The following CACNA1H variants were observed in gnomAD, a reference collection of about 807,000 sequenced individuals.
CACNA1H encodes the protein calcium voltage-gated channel subunit alpha1 H, also known as voltage-dependent T-type calcium channel subunit alpha-1H.
CACNA1H carries 149 observed loss-of-function variants against 192.5 expected under a neutral mutation model. The observed-to-expected ratio is 0.77, with a 90% CI of 0.68 to 0.89. CACNA1H has a LOEUF of 0.89. Among genes scored for constraint, CACNA1H ranks in the 40% least tolerant of loss-of-function variants. CACNA1H has a pLI of 0.00. For synonymous variants in CACNA1H, 2,202 were observed against 1,475.2 expected (o/e 1.49, Z -11.29); for missense variants, 4,257 against 3,423.5 (o/e 1.24, Z -6.08).
At chr16:1,170,316 C>T (rs570180006) in intron 2 of CACNA1H, among the ~76,000 whole-genome samples, 63 of 152,318 alleles carry the variant, frequency 4.1e-4, no homozygotes, top group African/African-American at 1.3e-3. Flanking sequence ...GAGCTGAGGT[C>T]GCACCATGGC....
chr16:1,206,011 T>C, intron 11 of CACNA1H, 93 bp from the exon 12 acceptor site: 1 of 1,245,422 alleles, frequency 8.0e-7, no homozygotes, highest in Non-Finnish European at 1.1e-6. Context: ...CAGGCCGCTG[T>C]GGCTCCCTGG....
At chr16:1,170,465 C>T (rs1444782464) in intron 2 of CACNA1H, among the ~76,000 whole-genome samples, 1 of 152,094 alleles carries the variant, frequency 6.6e-6, no homozygotes, top group Non-Finnish European at 1.5e-5. Context: ...GGGAGGGGAG[C>T]GGGTGGACGG....
intron 26 of CACNA1H, among the ~76,000 whole-genome samples, chr16:1,212,886 C>T (rs1046833089): frequency 1.3e-5 from 2 of 152,246 alleles, no homozygotes; most frequent in Admixed American, 1.3e-4. Context: ...CTGAGTGCTT[C>T]AGTGACTGCA....
rs1969510769 is a variant in CACNA1H at position 1,212,058 on chromosome 16, A to G, written c.4679A>G (p.Lys1560Arg). The change falls in exon 25 of 35, where the codon AAG (lysine) becomes AGG (arginine). Residue 1560 changes from lysine (K) to arginine (R), a missense_variant. Lys to Arg is a conservative substitution (Grantham distance 26, BLOSUM62 2). Coordinates refer to ENST00000348261, the MANE Select transcript of CACNA1H (RefSeq NM_021098.3). ...FVGVVVENFH[K>R]CRQHQEAEEA... The stretch of plus-strand genomic sequence containing the variant: ...GGCGTCGTGGTCGAGAACTTCCACA[A>G]GTGCCGGCAGCACCAGGAGGCGGAG... 4 of 1,613,002 alleles carry G rather than the reference A, an allele frequency of 2.5e-6. No homozygotes were observed. Among genetic ancestry groups the G allele is most frequent in the East Asian group, 4.5e-5 (2 of 44,882 alleles).
chr16:1,194,932 C>A (rs780729427), intron 2 of CACNA1H, 40 bp from the exon 3 acceptor site: 6 of 1,486,560 alleles, frequency 4.0e-6, no homozygotes, highest in Non-Finnish European at 4.7e-6. Context: ...GGGAGCGGGT[C>A]CCGGGCCGCG....
intron 2 of CACNA1H, among the ~76,000 whole-genome samples, chr16:1,155,545 C>A (rs1315396134): frequency 6.6e-6 from 1 of 152,224 alleles, no homozygotes; most frequent in East Asian, 1.9e-4. Flanking sequence ...CGAGCCAAGG[C>A]CTGCGTTCCT....
rs192277843 is a variant in CACNA1H at position 1,219,142 on chromosome 16, C to G, written c.6048+12C>G. 1 of 1,517,668 alleles carries G rather than the reference C, an allele frequency of 6.6e-7. No individual in the cohort carries two copies. Among genetic ancestry groups the G allele is most frequent in the Non-Finnish European group, 8.9e-7 (1 of 1,129,568 alleles). The allele number at this position is 1,517,668 out of a possible 1,614,324, so 94.0% of individuals were successfully genotyped here. A position where few individuals can be genotyped will look rare whatever the true frequency, so the allele number is the denominator to read the frequency against. ...TGCTCTGCAGACAGGTAGGAGAAGCCGTTGGCCTGCAGCAGAGGCTGGCGG... is the reference window on the plus strand; with the variant it reads ...TGCTCTGCAGACAGGTAGGAGAAGCGGTTGGCCTGCAGCAGAGGCTGGCGG... On this transcript the variant is annotated intron_variant, in intron 34 of 34. Coordinates refer to ENST00000348261, the MANE Select transcript of CACNA1H (RefSeq NM_021098.3).
At chr16:1,181,325 C>T (rs1965442174) in intron 2 of CACNA1H, among the ~76,000 whole-genome samples, 1 of 152,268 alleles carries the variant, frequency 6.6e-6, no homozygotes, top group African/African-American at 2.4e-5. Flanking sequence ...AGGACAAAGC[C>T]AGCCTGACCA....
Position 1,218,516 on chromosome 16 carries a change from A to G in CACNA1H, c.5752A>G (p.Lys1918Glu), listed in dbSNP as rs1555520320. The G allele has an allele frequency of 1.9e-6, 3 of 1,554,266 alleles. No homozygotes were observed. Among genetic ancestry groups the G allele is most frequent in the South Asian group, 1.2e-5 (1 of 84,276 alleles). ...ARDAPNLVAR[K>E]VSVSRMLSLP... ...GGACGCCCCAAACCTGGTTGCACGCAAGGTGTCCGTGTCCAGGATGCTCTC... is the reference window on the plus strand; with the variant it reads ...GGACGCCCCAAACCTGGTTGCACGCGAGGTGTCCGTGTCCAGGATGCTCTC... Residue 1918 changes from lysine to glutamate, a missense_variant, in exon 33 of 35, where the codon AAG becomes GAG. Lys to Glu is a moderately conservative substitution (Grantham distance 56). Coordinates refer to ENST00000348261, the MANE Select transcript of CACNA1H (RefSeq NM_021098.3).
chr16:1,207,407 C>G lies in CACNA1H; in HGVS notation c.3040C>G (p.Leu1014Val), dbSNP rs1180991424. 1 of 1,613,082 alleles carries G rather than the reference C, an allele frequency of 6.2e-7. No individual in the cohort carries two copies. ...GCTCTTCAACCTGCTGGTGGCCATC[C>G]TCGTGGAGGGCTTCCAGGCGGAGGT... ...YVLFNLLVAI[L>V]VEGFQAEGDA... Residue 1014 changes from leucine (L) to valine (V), a missense_variant, in exon 14 of 35, where the codon CTC becomes GTC. Transcript: ENST00000348261.
chr16:1,208,958 G>A (rs1009818434), intron 16 of CACNA1H, 74 bp from the exon 17 acceptor site: 4 of 1,359,266 alleles, frequency 2.9e-6, no homozygotes, highest in South Asian at 1.7e-5. Flanking sequence ...CTTGCACACA[G>A]TGGGTGCTCC....
chr16:1,166,539 T>C (rs147155614), intron 2 of CACNA1H, among the ~76,000 whole-genome samples: 2,837 of 152,254 alleles, frequency 0.019, 59 homozygotes, highest in Middle Eastern at 0.065. Context: ...CCCTGTATCC[T>C]CGCGGTGGTG....
chr16:1,214,406 G>T (rs1297159865), intron 27 of CACNA1H, among the ~76,000 whole-genome samples: 1 of 152,244 alleles, frequency 6.6e-6, no homozygotes, highest in African/African-American at 2.4e-5. Flanking sequence ...AGCGTTTTGT[G>T]TGGAGCCGAG....
rs894257173 is a variant in CACNA1H, at chr16:1,209,231, C to T, written c.3563C>T (p.Pro1188Leu). Residue 1188 changes from proline (P) to leucine (L), a missense_variant, in exon 17 of 35, where the codon CCC becomes CTC. Transcript: ENST00000348261. ...EAEDGRAAPG[P>L]RATPLRRAES... ...GAGGACGGCAGGGCCGCGCCCGGGCCCCGTGCCACCCCACTGCGGCGGGCC... is the reference window on the plus strand; with the variant it reads ...GAGGACGGCAGGGCCGCGCCCGGGCTCCGTGCCACCCCACTGCGGCGGGCC... 1 of 1,544,298 alleles carries T rather than the reference C, an allele frequency of 6.5e-7. No homozygotes were observed. Among genetic ancestry groups the T allele is most frequent in the Non-Finnish European group, 8.7e-7 (1 of 1,146,600 alleles).
rs372665410 is a variant in CACNA1H at position 1,207,409 on chromosome 16, C to T, written c.3042C>T (p.Leu1014=). 2.7e-5 allele frequency: 44 copies of T among 1,612,946 alleles called. No homozygotes were observed. The African/African-American group carries it at 3.7e-4, about 14-fold the overall frequency. Residue 1014 remains leucine, a synonymous_variant, in exon 14 of 35, where the codon CTC becomes CTT. Transcript: ENST00000348261. ...TCTTCAACCTGCTGGTGGCCATCCTCGTGGAGGGCTTCCAGGCGGAGGTGA... is the reference window on the plus strand; with the variant it reads ...TCTTCAACCTGCTGGTGGCCATCCTTGTGGAGGGCTTCCAGGCGGAGGTGA... ...YVLFNLLVAI[L]VEGFQAEGDA...
At position 1,221,733 on chromosome 16, in the gene CACNA1H, G is replaced by A; in HGVS notation, c.*739G>A. The A allele has an allele frequency of 7.4e-6, 11 of 1,479,886 alleles. No individual in the cohort carries two copies. The South Asian group carries it at 1.1e-4, about 14-fold the overall frequency. 91.7% of individuals were successfully genotyped at this position (1,479,886 alleles called of 1,614,324 possible). A position where few individuals can be genotyped will look rare whatever the true frequency, so the allele number is the denominator to read the frequency against. ...CTCAGCTTCTCAAGGGAGAGGGAGG[G>A]GGCGGAGCGGAATAAATAGTAACTT... is the stretch of plus-strand genomic sequence containing the variant. On this transcript the variant is annotated 3_prime_UTR_variant, in exon 35 of 35. Transcript: ENST00000348261.
chr16:1,210,285 C>A, intron 18 of CACNA1H, 85 bp from the exon 19 acceptor site: 1 of 1,299,550 alleles, frequency 7.7e-7, no homozygotes, highest in Non-Finnish European at 1.1e-6. Context: ...GAAGTGGAGG[C>A]GTGGCCAGGG....
Position 1,195,504 on chromosome 16 carries a change from G to T in CACNA1H, c.484G>T (p.Gly162Trp), listed in dbSNP as rs867084712. The T allele has an allele frequency of 6.2e-7, 1 of 1,601,104 alleles. No homozygotes were observed. The highest frequency in any genetic ancestry group is 2.3e-5 in the East Asian group (1 of 44,296). ...CAAGATGGTGGCCTTGGGGCTGTTC[G>T]GGCAGAAGTGTTACCTGGGTGACAC... ...VIKMVALGLF[G>W]QKCYLGDTWN... The change falls in exon 4 of 35, where the codon GGG (glycine) becomes TGG (tryptophan). Residue 162 changes from glycine (G) to tryptophan (W), a missense_variant. By Grantham distance (184) the Gly-to-Trp change is radical (BLOSUM62 -2). Transcript: ENST00000348261.
intron 2 of CACNA1H, among the ~76,000 whole-genome samples, chr16:1,160,633 T>A (rs987215486): frequency 6.6e-6 from 1 of 152,150 alleles, no homozygotes; most frequent in Non-Finnish European, 1.5e-5. Context: ...CCGTGCACAC[T>A]CCTCGCGGGG....
Sources: allele counts gnomAD v4.1 joint callset (sites outside exome capture counted in the v4.1 genomes callset), GRCh38; gene constraint gnomAD v4.1.1; transcripts MANE v1.5; gene names NCBI Gene and HGNC (gene_info 2026-07-23, HGNC 2026-07-21).